GALNTL6: variants seen among roughly 807,000 people sequenced by gnomAD.
The protein encoded by GALNTL6 is polypeptide N-acetylgalactosaminyltransferase like 6, also known as polypeptide N-acetylgalactosaminyltransferase-like 6.
Under a neutral mutation model 73.7 loss-of-function variants are expected in GALNTL6, and 46 were observed. That is an observed-to-expected ratio of 0.62 (90% confidence interval 0.49 to 0.80). GALNTL6 has a LOEUF of 0.80. Among genes scored for constraint, GALNTL6 ranks in the 30% least tolerant of loss-of-function variants. The pLI, the probability that GALNTL6 is intolerant of heterozygous loss-of-function variation, is 0.00. For missense variants in GALNTL6, 604 were observed against 755.0 expected, an observed-to-expected ratio of 0.80 and a Z score of 2.34; for synonymous variants, 259 against 263.7, an observed-to-expected ratio of 0.98 and a Z score of 0.17.
At chr4:172,939,155 G>T (rs980959986) in intron 9 of GALNTL6, among the ~76,000 whole-genome samples, 2 of 152,110 alleles carry the variant, frequency 1.3e-5, no homozygotes, top group Admixed American at 6.6e-5. Context: ...AGTTACCTGG[G>T]TGTGGTGGCA....
intron 2 of GALNTL6, among the ~76,000 whole-genome samples, chr4:172,060,395 A>G (rs1001526376): frequency 6.6e-6 from 1 of 152,204 alleles, no homozygotes; most frequent in Non-Finnish European, 1.5e-5. Context: ...ATGCATACGC[A>G]TGAATGAAAT....
intron 2 of GALNTL6, among the ~76,000 whole-genome samples, chr4:171,924,400 G>A (rs1737909286): frequency 6.6e-6 from 1 of 152,136 alleles, no homozygotes; most frequent in Non-Finnish European, 1.5e-5. Flanking sequence ...CTAGTTACAG[G>A]CAAAATGCAA....
intron 2 of GALNTL6, among the ~76,000 whole-genome samples, chr4:172,064,693 T>C (rs907121449): frequency 3.9e-5 from 6 of 152,166 alleles, no homozygotes; most frequent in African/African-American, 1.4e-4. Context: ...TGATATCACC[T>C]CTTTCCAACT....
At chr4:171,923,764 C>A (rs567461471) in intron 2 of GALNTL6, among the ~76,000 whole-genome samples, 1 of 141,368 alleles carries the variant, frequency 7.1e-6, no homozygotes, top group South Asian at 2.4e-4. Flanking sequence ...CTTTTAGCTA[C>A]CAGGACACAC....
chr4:172,258,826 T>C (rs745377812), intron 3 of GALNTL6, among the ~76,000 whole-genome samples: 5 of 151,310 alleles, frequency 3.3e-5, no homozygotes, highest in African/African-American at 4.8e-5. Flanking sequence ...AGCTCTCACT[T>C]ATAAGTGAGA....
intron 5 of GALNTL6, among the ~76,000 whole-genome samples, chr4:172,745,712 G>A (rs558034039): frequency 1.3e-5 from 2 of 152,046 alleles, no homozygotes; most frequent in African/African-American, 2.4e-5. Context: ...TTGACAGATT[G>A]GAGTCGTGGC....
At chr4:173,039,193 T>TG (rs1007342289) in intron 12 of GALNTL6, among the ~76,000 whole-genome samples, 4 of 152,204 alleles carry the variant, frequency 2.6e-5, no homozygotes, top group Non-Finnish European at 5.9e-5. Context: ...TTTTTTAAAA[T>TG]GAATGTTGCC....
At chr4:171,942,965 C>T (rs1200991391) in intron 2 of GALNTL6, among the ~76,000 whole-genome samples, 1 of 152,062 alleles carries the variant, frequency 6.6e-6, no homozygotes, top group East Asian at 1.9e-4. Flanking sequence ...TGACTGTGCT[C>T]CAAAAGCAGA....
intron 2 of GALNTL6, among the ~76,000 whole-genome samples, chr4:171,892,354 T>C (rs1460166550): frequency 1.3e-5 from 2 of 152,154 alleles, no homozygotes; most frequent in Non-Finnish European, 2.9e-5. Flanking sequence ...CATGTTCAAA[T>C]TCCTCTAAAC....
At chr4:172,313,206 A>G (rs1578944459) in intron 4 of GALNTL6, among the ~76,000 whole-genome samples, 1 of 147,482 alleles carries the variant, frequency 6.8e-6, no homozygotes, top group Non-Finnish European at 1.5e-5. Context: ...GCTCACTGCA[A>G]GCTCCGCCTC....
intron 5 of GALNTL6, among the ~76,000 whole-genome samples, chr4:172,398,402 A>C (rs1743923325): frequency 6.6e-6 from 1 of 152,196 alleles, no homozygotes; most frequent in South Asian, 2.1e-4. Context: ...GCTGATAATG[A>C]AGTGAGTGCT....
intron 3 of GALNTL6, 79 bp downstream of exon 3, chr4:172,229,843 G>A (rs925288295): frequency 1.2e-6 from 1 of 832,972 alleles, no homozygotes; most frequent in Non-Finnish European, 2.0e-6. Flanking sequence ...TCTCTAATTA[G>A]CATTTCTTCT....
rs185222798 is a variant in GALNTL6 at position 173,010,721 on chromosome 4, A to G, written c.1488+1427A>G. ...ACGATTCTCCTTCCTCAGCCTCCCG[A>G]GAAGCTGGGATTACAGGCACACACC... On this transcript the variant is annotated intron_variant, in intron 11 of 12. Coordinates refer to ENST00000506823, the MANE Select transcript of GALNTL6 (RefSeq NM_001034845.3). 8.9e-3 allele frequency among the ~76,000 whole-genome samples: 1,354 copies of G among 151,418 alleles called. 20 individuals are homozygous for G. Among genetic ancestry groups the G allele is most frequent in the African/African-American group, 0.031 (1,261 of 41,222 alleles).
intron 8 of GALNTL6, among the ~76,000 whole-genome samples, chr4:172,917,754 T>C (rs982104848): frequency 6.6e-6 from 1 of 152,114 alleles, no homozygotes; most frequent in Admixed American, 6.5e-5. Flanking sequence ...AAACAACAGG[T>C]GCTGGAGAGG....
At chr4:171,998,585 T>G (rs1703553866) in intron 2 of GALNTL6, among the ~76,000 whole-genome samples, 1 of 152,130 alleles carries the variant, frequency 6.6e-6, no homozygotes, top group Non-Finnish European at 1.5e-5. Context: ...GGGGACACAG[T>G]TTAGCTTGTA....
intron 2 of GALNTL6, among the ~76,000 whole-genome samples, chr4:172,174,856 A>G (rs751308991): frequency 1.3e-5 from 2 of 152,342 alleles, no homozygotes; most frequent in Admixed American, 6.5e-5. Flanking sequence ...GTGCATATAT[A>G]TGATAGGTAC....
intron 2 of GALNTL6, among the ~76,000 whole-genome samples, chr4:171,907,902 C>T (rs1441839433): frequency 6.6e-6 from 1 of 152,000 alleles, no homozygotes; most frequent in Non-Finnish European, 1.5e-5. Flanking sequence ...GAAAAGGATT[C>T]CCTATTTAAT....
intron 7 of GALNTL6, among the ~76,000 whole-genome samples, chr4:172,881,583 C>G (rs995356564): frequency 2.0e-5 from 3 of 152,116 alleles, no homozygotes; most frequent in Non-Finnish European, 2.9e-5. Flanking sequence ...AAAGCATTAC[C>G]AAGACTAAGT....
chr4:172,204,774 C>G (rs1325306953), intron 2 of GALNTL6, among the ~76,000 whole-genome samples: 1 of 152,076 alleles, frequency 6.6e-6, no homozygotes. Context: ...TTTAAAAAGT[C>G]AATTTGTGAA....
Sources: gnomAD v4.1 joint callset for allele counts (sites outside exome capture counted in the v4.1 genomes callset) on GRCh38, gnomAD v4.1.1 for gene constraint, MANE v1.5 for transcripts, NCBI Gene and HGNC (gene_info 2026-07-23, HGNC 2026-07-21) for gene names.